NEO1: variants seen among roughly 807,000 people sequenced by gnomAD.
NEO1 encodes neogenin.
A neutral mutation model predicts 159.7 loss-of-function variants in NEO1; 63 were observed. The observed-to-expected ratio is 0.39, with a 90% confidence interval of 0.32 to 0.49. The LOEUF is 0.49. Among genes scored for constraint, NEO1 ranks in the 20% least tolerant of loss-of-function variants. NEO1 has a pLI of 0.85. For missense variants in NEO1, 1,615 were observed against 1,831.0 expected (o/e 0.88, Z 2.15); for synonymous variants, 633 against 662.0 (o/e 0.96, Z 0.67).
chr15:73,083,312 T>A (rs1486366557), intron 1 of NEO1, among the ~76,000 whole-genome samples: 1 of 152,004 alleles, frequency 6.6e-6, no homozygotes, highest in African/African-American at 2.4e-5. Flanking sequence ...TCAAATATAT[T>A]TGAGGTAGAA....
At chr15:73,249,316 C>A in intron 10 of NEO1, 108 bp downstream of exon 10, 1 of 1,263,336 alleles carries the variant, frequency 7.9e-7, no homozygotes, top group Non-Finnish European at 1.1e-6. Flanking sequence ...GAAAAAGAAA[C>A]ATAGGAAATG....
At chr15:73,227,617 T>C (rs2038665337) in intron 7 of NEO1, among the ~76,000 whole-genome samples, 1 of 152,178 alleles carries the variant, frequency 6.6e-6, no homozygotes, top group Admixed American at 6.5e-5. Context: ...ACTGGGCCAG[T>C]GTGAAGCTGC....
chr15:73,113,704 G>A (rs2071132130), intron 1 of NEO1, among the ~76,000 whole-genome samples: 1 of 152,122 alleles, frequency 6.6e-6, no homozygotes, highest in Non-Finnish European at 1.5e-5. Context: ...AAATGTGGGT[G>A]GCAGTATTTA....
chr15:73,116,316 A>G (rs1252698214), intron 1 of NEO1, among the ~76,000 whole-genome samples: 1 of 152,180 alleles, frequency 6.6e-6, no homozygotes, highest in Non-Finnish European at 1.5e-5. Context: ...TATCTCAGGT[A>G]GAAGGTTTTT....
intron 13 of NEO1, among the ~76,000 whole-genome samples, chr15:73,258,063 G>T (rs1291364988): frequency 6.6e-6 from 1 of 152,180 alleles, no homozygotes; most frequent in African/African-American, 2.4e-5. Context: ...GCCAAGTTAT[G>T]TTCTCAGTAC....
intron 1 of NEO1, among the ~76,000 whole-genome samples, chr15:73,072,613 C>T (rs542050836): frequency 1.3e-5 from 2 of 152,034 alleles, no homozygotes; most frequent in African/African-American, 2.4e-5. Context: ...TGTAAACAAG[C>T]GATTTGTGCT....
Position 73,142,382 on chromosome 15 carries a change from A to G in NEO1, c.1015+6355A>G, listed in dbSNP as rs143987441. ...GGGCTTTCATTGGGTGGTTAAGTCT[A>G]CAAACAACACCTTTAATTTATACTT... On this transcript the variant is annotated intron_variant, in intron 5 of 28. Transcript: ENST00000261908. Among the ~76,000 whole-genome samples the G allele has an allele frequency of 2.2e-3, 329 of 152,312 alleles. 2 individuals are homozygous for G. Among genetic ancestry groups the G allele is most frequent in the Non-Finnish European group, 5.6e-4 (38 of 68,024 alleles).
intron 1 of NEO1, among the ~76,000 whole-genome samples, chr15:73,076,184 A>G (rs376109291): frequency 5.3e-5 from 8 of 152,306 alleles, no homozygotes; most frequent in Non-Finnish European, 7.4e-5. Flanking sequence ...TTGTGATGGT[A>G]TAACATTGCC....
chr15:73,110,295 T>G (rs2070907896), intron 1 of NEO1, among the ~76,000 whole-genome samples: 1 of 152,188 alleles, frequency 6.6e-6, no homozygotes, highest in Admixed American at 6.5e-5. Flanking sequence ...ATACTTTTCT[T>G]ACAATGAACA....
intron 7 of NEO1, among the ~76,000 whole-genome samples, chr15:73,202,054 C>T (rs1248169300): frequency 6.7e-6 from 1 of 149,462 alleles, no homozygotes; most frequent in African/African-American, 2.5e-5. Flanking sequence ...ACCTCCAACT[C>T]CTGGGTTCAA....
intron 1 of NEO1, among the ~76,000 whole-genome samples, chr15:73,104,130 G>T (rs1446349208): frequency 1.3e-5 from 2 of 152,168 alleles, no homozygotes; most frequent in Non-Finnish European, 2.9e-5. Flanking sequence ...CCAAAGTGCT[G>T]GGATTACAGG....
At chr15:73,076,995 A>T (rs1323046859) in intron 1 of NEO1, among the ~76,000 whole-genome samples, 1 of 152,186 alleles carries the variant, frequency 6.6e-6, no homozygotes, top group Non-Finnish European at 1.5e-5. Context: ...TTTAGAGGAA[A>T]ACTGTAGGAT....
chr15:73,191,839 A>G (rs1304357958), intron 7 of NEO1, among the ~76,000 whole-genome samples: 1 of 152,082 alleles, frequency 6.6e-6, no homozygotes, highest in Non-Finnish European at 1.5e-5. Context: ...AAATAAAAGT[A>G]AATTTACTTT....
chr15:73,266,259 T>C, intron 15 of NEO1, 57 bp from the exon 16 acceptor site: 1 of 1,408,478 alleles, frequency 7.1e-7, no homozygotes, highest in Non-Finnish European at 9.8e-7. Flanking sequence ...CAGCCACCCT[T>C]GAATTTTTAA....
At chr15:73,208,877 TAAAATA>T (rs901914348) in intron 7 of NEO1, among the ~76,000 whole-genome samples, 1 of 151,896 alleles carries the variant, frequency 6.6e-6, no homozygotes, top group African/African-American at 2.4e-5. Flanking sequence ...TAAAATAAAA[TAAAATA>T]AAAATAAAAA....
At chr15:73,173,441 T>G (rs972983096) in intron 5 of NEO1, among the ~76,000 whole-genome samples, 3 of 152,200 alleles carry the variant, frequency 2.0e-5, no homozygotes, top group African/African-American at 7.2e-5. Context: ...GATTTTAGTA[T>G]TAAATCTTTC....
chr15:73,288,642 G>A, intron 24 of NEO1, 91 bp downstream of exon 24: 1 of 1,089,514 alleles, frequency 9.2e-7, no homozygotes, highest in Non-Finnish European at 1.4e-6. Context: ...CCTTCATTTG[G>A]CAATTCCTAT....
intron 1 of NEO1, among the ~76,000 whole-genome samples, chr15:73,068,582 G>C (rs2068357335): frequency 6.6e-6 from 1 of 152,034 alleles, no homozygotes; most frequent in Admixed American, 6.6e-5. Context: ...TTTTTTCTTG[G>C]AGGTATCATG....
chr15:73,062,722 TGTG>T lies in NEO1; in HGVS notation c.130+9921_130+9923del, dbSNP rs141845384. Among the ~76,000 whole-genome samples the T allele has an allele frequency of 8.6e-3, 1,310 of 152,332 alleles. 23 individuals are homozygous for T. Among genetic ancestry groups the T allele is most frequent in the African/African-American group, 0.03 (1,235 of 41,576 alleles). ...CTTGAGCCAGTTTGGCCCAAGGTAC[TGTG>T]GTGATTTAAAGTGGAAAGTGGATTA... On this transcript the variant is annotated intron_variant, in intron 1 of 28. Coordinates refer to ENST00000261908, the MANE Select transcript of NEO1 (RefSeq NM_002499.4).
Sources: allele counts gnomAD v4.1 joint callset (sites outside exome capture counted in the v4.1 genomes callset), GRCh38; gene constraint gnomAD v4.1.1; transcripts MANE v1.5; gene names NCBI Gene and HGNC (gene_info 2026-07-23, HGNC 2026-07-21).